Variants in CLIC4 observed in about 807,000 individuals in gnomAD.
The protein encoded by CLIC4 is CLIC family member 4.
Under a neutral mutation model 24.6 loss-of-function variants are expected in CLIC4, and 13 were observed. That is an observed-to-expected ratio of 0.53 (90% CI 0.34 to 0.84). CLIC4 has a LOEUF of 0.84. Among genes scored for constraint, CLIC4 ranks in the 40% least tolerant of loss-of-function variants. CLIC4 has a pLI of 0.01. For synonymous variants in CLIC4, 104 were observed against 111.3 expected (o/e 0.93, Z 0.41); for missense variants, 227 against 301.7 (o/e 0.75, Z 1.83).
intron 2 of CLIC4, among the ~76,000 whole-genome samples, chr1:24,802,646 T>G (rs763802296): frequency 1.1e-4 from 16 of 151,924 alleles, no homozygotes; most frequent in Non-Finnish European, 2.1e-4. Context: ...CAACTTCCCC[T>G]TCAGAGAGAT....
intron 1 of CLIC4, among the ~76,000 whole-genome samples, chr1:24,773,717 C>T (rs1404332923): frequency 6.7e-6 from 1 of 149,092 alleles, no homozygotes; most frequent in Non-Finnish European, 1.5e-5. Context: ...CTGCTTAAGC[C>T]TTCTGAGTAG....
intron 4 of CLIC4, among the ~76,000 whole-genome samples, chr1:24,835,544 CAG>C (rs1639878486): frequency 6.6e-6 from 1 of 152,128 alleles, no homozygotes; most frequent in Non-Finnish European, 1.5e-5. Context: ...GCCTGGGCGA[CAG>C]AGTGTGAGAA....
chr1:24,796,329 C>T (rs927359338), intron 1 of CLIC4, among the ~76,000 whole-genome samples: 1 of 152,064 alleles, frequency 6.6e-6, no homozygotes, highest in Non-Finnish European at 1.5e-5. Flanking sequence ...GCTGGGACTG[C>T]AGGCGCGTAC....
chr1:24,804,553 G>A (rs1639526904), intron 2 of CLIC4, among the ~76,000 whole-genome samples: 3 of 132,672 alleles, frequency 2.3e-5, no homozygotes, highest in Non-Finnish European at 3.3e-5. Context: ...GGGTGGGTGG[G>A]GGGATGTGTG....
rs138072591 is a variant in CLIC4, at chr1:24,825,294, G to A, written c.309-1716G>A. On this transcript the variant is annotated intron_variant, in intron 3 of 5. Coordinates refer to ENST00000374379, the MANE Select transcript of CLIC4 (RefSeq NM_013943.3). ...ATTGAAAAGGCATTATGTTCACTGCGCTATTTTTTGTTTGAAATGAGTCAA... is the reference window on the plus strand; with the variant it reads ...ATTGAAAAGGCATTATGTTCACTGCACTATTTTTTGTTTGAAATGAGTCAA... 5.6e-4 allele frequency among the ~76,000 whole-genome samples: 85 copies of A among 152,260 alleles called. 1 individual carries two copies. In the East Asian group the frequency reaches 6.6e-3, roughly 12 times the overall value.
At chr1:24,793,457 C>T (rs1639363509) in intron 1 of CLIC4, among the ~76,000 whole-genome samples, 1 of 152,060 alleles carries the variant, frequency 6.6e-6, no homozygotes, top group Non-Finnish European at 1.5e-5. Flanking sequence ...CCTTGAGTGC[C>T]TATAACAAAA....
At chr1:24,797,562 GA>G (rs71032862) in intron 1 of CLIC4, among the ~76,000 whole-genome samples, 179 bp from the exon 2 acceptor site, 2,324 of 124,934 alleles carry the variant, frequency 0.019, 25 homozygotes, top group African/African-American at 0.046. Context: ...CTCAAAAAAA[GA>G]AAAAAAAAAA....
intron 2 of CLIC4, among the ~76,000 whole-genome samples, chr1:24,811,801 T>C (rs772723173): frequency 1.3e-5 from 2 of 152,210 alleles, no homozygotes; most frequent in Non-Finnish European, 2.9e-5. Context: ...CTTGATTAGA[T>C]TCAGGGTCAA....
At chr1:24,785,873 A>AG (rs1356541667) in intron 1 of CLIC4, among the ~76,000 whole-genome samples, 104 of 150,732 alleles carry the variant, frequency 6.9e-4, no homozygotes, top group Admixed American at 2.2e-3. Context: ...AAAAAAAAAA[A>AG]AAAGAAAAGA....
Position 24,814,171 on chromosome 1 carries a change from A to T in CLIC4, c.260A>T (p.Asp87Val). The change falls in exon 3 of 6, where the codon GAT becomes GTT. Residue 87 changes from aspartate (D) to valine (V), a missense_variant. Transcript: ENST00000374379. ...ACTTTCAACAGTGAAGTCAAAACGG[A>T]TGTAAATAAGATTGAGGAATTTCTT... ...FITFNSEVKT[D>V]VNKIEEFLEE... 1.2e-6 allele frequency: 2 copies of T among 1,614,160 alleles called. No individual in the cohort carries two copies.
intron 1 of CLIC4, among the ~76,000 whole-genome samples, chr1:24,767,024 T>TAAAAAAAAAA (rs34142565): frequency 5.6e-5 from 4 of 71,110 alleles, no homozygotes; most frequent in African/African-American, 2.1e-4. Context: ...GCTGATGAGC[T>TAAAAAAAAAA]AAAAAAAAAA....
At chr1:24,811,401 A>T (rs1046146875) in intron 2 of CLIC4, among the ~76,000 whole-genome samples, 1 of 152,164 alleles carries the variant, frequency 6.6e-6, no homozygotes, top group African/African-American at 2.4e-5. Flanking sequence ...GACCTAATGG[A>T]TCACCTGGTG....
Position 24,840,856 on chromosome 1 carries a change from G to A in CLIC4, c.681G>A (p.Arg227=). 6.2e-7 allele frequency: 1 copy of A among 1,612,756 alleles called. No individual in the cohort carries two copies. Among genetic ancestry groups the A allele is most frequent in the Non-Finnish European group, 8.5e-7 (1 of 1,179,358 alleles). The change falls in exon 6 of 6, where the codon AGG becomes AGA. Residue 227 remains arginine (R), a synonymous_variant. Transcript: ENST00000374379. ...IWRYLTNAYS[R]DEFTNTCPSD... ...GATACCTAACTAATGCATACAGTAG[G>A]GACGAGTTCACCAATACCTGTCCCA...
At chr1:24,762,020 A>G (rs997974018) in intron 1 of CLIC4, among the ~76,000 whole-genome samples, 5 of 152,184 alleles carry the variant, frequency 3.3e-5, no homozygotes, top group African/African-American at 7.2e-5. Context: ...TTGGACCTAC[A>G]GATCTGTTCA....
intron 1 of CLIC4, among the ~76,000 whole-genome samples, chr1:24,787,414 G>A (rs1420807775): frequency 6.6e-6 from 1 of 151,960 alleles, no homozygotes; most frequent in Non-Finnish European, 1.5e-5. Flanking sequence ...TAATCTATAT[G>A]TATATATTTA....
chr1:24,750,044 C>T (rs934725019), intron 1 of CLIC4, among the ~76,000 whole-genome samples: 1 of 152,194 alleles, frequency 6.6e-6, no homozygotes, highest in Non-Finnish European at 1.5e-5. Flanking sequence ...GTGATCGTGC[C>T]ACTGCACTCC....
chr1:24,792,467 C>T lies in CLIC4; in HGVS notation c.73-5275C>T, dbSNP rs369383670. 1.8e-3 allele frequency among the ~76,000 whole-genome samples: 267 copies of T among 152,200 alleles called. 4 individuals carry two copies. Among genetic ancestry groups the T allele is most frequent in the Middle Eastern group, 0.017 (5 of 294 alleles). ...TTGGACTTCCAAAGTGTTGGGATTA[C>T]GGGCATGAACTATTGTGCGTGGCCT... is the stretch of plus-strand genomic sequence containing the variant. On this transcript the variant is annotated intron_variant, in intron 1 of 5. Coordinates refer to ENST00000374379, the MANE Select transcript of CLIC4 (RefSeq NM_013943.3).
chr1:24,765,791 C>G (rs1207897105), intron 1 of CLIC4, among the ~76,000 whole-genome samples: 1 of 148,834 alleles, frequency 6.7e-6, no homozygotes, highest in African/African-American at 2.4e-5. Context: ...TTTTTCTTTC[C>G]TTCTTTTTCT....
chr1:24,804,649 A>G (rs1414088296), intron 2 of CLIC4, among the ~76,000 whole-genome samples: 3 of 151,900 alleles, frequency 2.0e-5, no homozygotes, highest in African/African-American at 7.3e-5. Flanking sequence ...TTTTGTTGCT[A>G]TGTCTTTATG....
Sources: gnomAD v4.1 joint callset for allele counts (sites outside exome capture counted in the v4.1 genomes callset) on GRCh38, gnomAD v4.1.1 for gene constraint, MANE v1.5 for transcripts, NCBI Gene and HGNC (gene_info 2026-07-23, HGNC 2026-07-21) for gene names.